The following POC1A variants were observed in gnomAD, a reference collection of about 807,000 sequenced individuals.
The protein encoded by POC1A is POC1 centriolar protein A.
In POC1A, 34 loss-of-function variants were observed where a neutral mutation model predicts 47.8. The ratio of observed to expected loss-of-function variants is 0.71; its 90% CI spans 0.54 to 0.95. POC1A has a LOEUF of 0.95. Among genes scored for constraint, POC1A ranks in the 40% least tolerant of loss-of-function variants. The probability of loss-of-function intolerance (pLI) is 0.00; values close to 1 mark genes in which losing one functional copy is unlikely to be tolerated. For synonymous variants in POC1A, 177 were observed against 207.6 expected (o/e 0.85, Z 1.27); for missense variants, 466 against 528.3 (o/e 0.88, Z 1.16).
chr3:52,105,392 G>A (rs1236387831), intron 9 of POC1A, among the ~76,000 whole-genome samples: 2 of 152,196 alleles, frequency 1.3e-5, no homozygotes, highest in African/African-American at 2.4e-5. Flanking sequence ...TCTTAGTCCT[G>A]GCCTCAGGCC....
At chr3:52,149,468 C>T in intron 3 of POC1A, 79 bp from the exon 4 acceptor site, 1 of 1,358,326 alleles carries the variant, frequency 7.4e-7, no homozygotes, top group Non-Finnish European at 1.0e-6. Context: ...AGCTCTCCTA[C>T]TCCTCAAGCA....
rs115686465 is a variant in POC1A, at chr3:52,104,504, A to C, written c.982-7792T>G. On this transcript the variant is annotated intron_variant, in intron 9 of 10. Transcript: ENST00000296484. ...TAAAGCCGGACTGAAAACAAAAAAC[A>C]TGTGGTTACAACTAAAATGTCCTTA... Among the ~76,000 whole-genome samples the C allele has an allele frequency of 7.2e-3, 1,094 of 152,334 alleles. 15 individuals carry two copies. Among genetic ancestry groups the C allele is most frequent in the African/African-American group, 0.025 (1,034 of 41,558 alleles).
chr3:52,122,687 C>T (rs1268270610), intron 8 of POC1A, among the ~76,000 whole-genome samples: 2 of 152,208 alleles, frequency 1.3e-5, no homozygotes, highest in Admixed American at 6.5e-5. Context: ...CTGGATGTGA[C>T]CAGGATGGAC....
At chr3:52,152,438 T>G (rs1559857208) in intron 1 of POC1A, among the ~76,000 whole-genome samples, 3 of 151,758 alleles carry the variant, frequency 2.0e-5, no homozygotes, top group Non-Finnish European at 4.4e-5. Context: ...GGCGTGGTGG[T>G]GGGCGCCTAT....
chr3:52,123,148 C>T (rs117381879), intron 8 of POC1A, among the ~76,000 whole-genome samples: 2 of 152,228 alleles, frequency 1.3e-5, no homozygotes, highest in Non-Finnish European at 2.9e-5. Context: ...CTGGTGGACA[C>T]GGGCACACAG....
rs117786994 is a variant in POC1A, at chr3:52,140,853, C to T, written c.680-2551G>A. On this transcript the variant is annotated intron_variant, in intron 6 of 10. Transcript: ENST00000296484. ...GGAGGCCTCATCGTAAGAACCACCC[C>T]TGCATGAGAGTCTACCACGAAGGCT... Among the ~76,000 whole-genome samples the T allele has an allele frequency of 1.6e-3, 249 of 152,340 alleles. 2 individuals are homozygous for T. The East Asian group carries it at 0.034, about 21-fold the overall frequency.
chr3:52,115,241 A>G lies in POC1A; in HGVS notation c.981+7138T>C, dbSNP rs144110398. Among the ~76,000 whole-genome samples the G allele has an allele frequency of 3.2e-4, 49 of 152,136 alleles. 1 individual carries two copies. In the East Asian group the frequency reaches 9.3e-3, roughly 29 times the overall value. ...AGCCAGCCTCTTGCCTCAGCCTCCC[A>G]AAGTGCTAAGATTACAGGCGTGAGT... On this transcript the variant is annotated intron_variant, in intron 9 of 10. Transcript: ENST00000296484.
At chr3:52,153,458 C>A (rs1414993500) in intron 1 of POC1A, among the ~76,000 whole-genome samples, 2 of 152,240 alleles carry the variant, frequency 1.3e-5, no homozygotes, top group Admixed American at 6.5e-5. Context: ...CCCTAACGCA[C>A]CTGTCAGAGT....
rs563302453 is a variant in POC1A at position 52,136,574 on chromosome 3, CTCT to C, written c.813+1592_813+1594del. Among the ~76,000 whole-genome samples, 232 of 152,334 alleles carry C rather than the reference CTCT, an allele frequency of 1.5e-3. 1 individual carries two copies. Among genetic ancestry groups the C allele is most frequent in the Non-Finnish European group, 2.4e-3 (160 of 68,030 alleles). On this transcript the variant is annotated intron_variant, in intron 7 of 10. Transcript: ENST00000296484. ...ATGAACAGAGGTCGTTGGTTCGTTT[CTCT>C]TCTTCTCCTTTCCTCTGGGCATTGT... is the stretch of plus-strand genomic sequence containing the variant.
intron 9 of POC1A, among the ~76,000 whole-genome samples, chr3:52,109,511 T>C (rs62261065): frequency 6.6e-6 from 1 of 152,048 alleles, no homozygotes; most frequent in Non-Finnish European, 1.5e-5. Flanking sequence ...AAAAAAACCT[T>C]CCTGGTGACT....
Position 52,145,837 on chromosome 3 carries a change from A to C in POC1A, c.679+9T>G. 6.3e-7 allele frequency: 1 copy of C among 1,589,656 alleles called. No individual in the cohort carries two copies. Among genetic ancestry groups the C allele is most frequent in the Non-Finnish European group, 8.6e-7 (1 of 1,158,196 alleles). ...TGCCCTTGGGCCCAGGAGGCTGTTC[A>C]CCACTCACACTGATAATGCTGCAGC... On this transcript the variant is annotated intron_variant, in intron 6 of 10. Transcript: ENST00000296484.
intron 9 of POC1A, among the ~76,000 whole-genome samples, chr3:52,110,269 G>C (rs1231561585): frequency 6.6e-6 from 1 of 152,182 alleles, no homozygotes; most frequent in Non-Finnish European, 1.5e-5. Flanking sequence ...GGCTGCTCCA[G>C]GTAGGAGAGT....
intron 10 of POC1A, among the ~76,000 whole-genome samples, chr3:52,092,938 C>T (rs533456848): frequency 1.1e-4 from 17 of 152,296 alleles, no homozygotes; most frequent in African/African-American, 3.9e-4. Flanking sequence ...GCTCCGGAGA[C>T]CAGGAGCCTT....
intron 7 of POC1A, among the ~76,000 whole-genome samples, chr3:52,126,270 T>C (rs1290651107): frequency 1.3e-5 from 2 of 152,114 alleles, no homozygotes; most frequent in Non-Finnish European, 2.9e-5. Context: ...TTCCACTTAA[T>C]GCCAGAAAAG....
intron 9 of POC1A, among the ~76,000 whole-genome samples, chr3:52,111,304 G>A (rs548105945): frequency 3.2e-4 from 48 of 152,274 alleles, no homozygotes; most frequent in African/African-American, 9.4e-4. Flanking sequence ...TACCCTAATC[G>A]CTGTTTCAGG....
At chr3:52,083,802 ACT>A (rs1158355325) in intron 10 of POC1A, among the ~76,000 whole-genome samples, 1 of 152,008 alleles carries the variant, frequency 6.6e-6, no homozygotes. Context: ...GAGAGCATCA[ACT>A]CTGACAGGAA....
chr3:52,088,456 A>G (rs576852382), intron 10 of POC1A, among the ~76,000 whole-genome samples: 1 of 152,294 alleles, frequency 6.6e-6, no homozygotes, highest in South Asian at 2.1e-4. Context: ...ATGAGGTTCT[A>G]TACCCATAGT....
intron 6 of POC1A, among the ~76,000 whole-genome samples, chr3:52,141,458 C>T (rs6784653): frequency 1.3e-5 from 2 of 152,230 alleles, no homozygotes; most frequent in Non-Finnish European, 2.9e-5. Flanking sequence ...ACTAGTGACA[C>T]GGTGGCTCTG....
At chr3:52,081,830 G>A (rs1702304958) in intron 10 of POC1A, among the ~76,000 whole-genome samples, 1 of 152,140 alleles carries the variant, frequency 6.6e-6, no homozygotes, top group Non-Finnish European at 1.5e-5. Flanking sequence ...GAGAACGAGA[G>A]GGGATGACAG....
Sources: gnomAD v4.1 joint callset for allele counts (sites outside exome capture counted in the v4.1 genomes callset) on GRCh38, gnomAD v4.1.1 for gene constraint, MANE v1.5 for transcripts, NCBI Gene and HGNC (gene_info 2026-07-23, HGNC 2026-07-21) for gene names.